The following IDE variants were observed in gnomAD, a reference collection of about 807,000 sequenced individuals.
IDE encodes the protein insulin degrading enzyme.
IDE carries 58 observed loss-of-function variants against 133.2 expected under a neutral mutation model. The observed-to-expected ratio is 0.44, with a 90% CI of 0.35 to 0.54. The LOEUF is 0.54. Ranked by LOEUF, IDE falls within the 20% of genes least tolerant of loss-of-function variation. The pLI is 0.00. For missense variants in IDE, 981 were observed against 1,234.0 expected (o/e 0.79, Z 3.07); for synonymous variants, 396 against 421.3 (o/e 0.94, Z 0.73).
rs1564630704 is a variant in IDE, at chr10:92,504,916, TAAATA to T, written c.1327-24_1327-20del. On this transcript the variant is annotated intron_variant, in intron 10 of 24. Transcript: ENST00000265986. The stretch of plus-strand genomic sequence containing the variant: ...GATAATACTTTTAAAAAGGAAAATA[TAAATA>T]AATAAAATATACAAAGCTACTACAT... 8.8e-7 allele frequency: 1 copy of T among 1,131,808 alleles called. No individual in the cohort carries two copies. 70.1% of individuals were successfully genotyped at this position (1,131,808 alleles called of 1,614,324 possible). A position where few individuals can be genotyped will look rare whatever the true frequency, so the allele number is the denominator to read the frequency against.
intron 6 of IDE, among the ~76,000 whole-genome samples, chr10:92,509,390 C>T (rs985670425): frequency 2.6e-5 from 4 of 151,948 alleles, no homozygotes; most frequent in Non-Finnish European, 2.9e-5. Context: ...GTCAGGAGTT[C>T]GACCTCAGCC....
chr10:92,497,165 T>A (rs150419976), intron 11 of IDE, among the ~76,000 whole-genome samples: 156 of 152,346 alleles, frequency 1.0e-3, no homozygotes, highest in African/African-American at 3.6e-3. Flanking sequence ...GGAAGGCACA[T>A]GACAAAGACT....
At chr10:92,461,136 C>T in intron 22 of IDE, 55 bp downstream of exon 22, 1 of 868,124 alleles carries the variant, frequency 1.2e-6, no homozygotes, top group Non-Finnish European at 1.9e-6. Context: ...CCGCCATACC[C>T]AGCCCTATAA....
Position 92,454,477 on chromosome 10 carries a change from T to A in IDE, c.3027A>T (p.Lys1009Asn). ...TTGCAGCCATGAAGTTAATATGTGG[T>A]TTCACAAGGGGAAACAGTGGCAGAC... The part of the protein sequence containing the change: ...KRGLPLFPLV[K>N]PHINFMAAKL Residue 1009 changes from lysine (K) to asparagine (N), a missense_variant, in exon 25 of 25, where the codon AAA (lysine) becomes AAT (asparagine). Coordinates refer to ENST00000265986, the MANE Select transcript of IDE (RefSeq NM_004969.4). 6.2e-7 allele frequency: 1 copy of A among 1,613,650 alleles called. No individual in the cohort carries two copies. The highest frequency in any genetic ancestry group is 1.1e-5 in the South Asian group (1 of 91,078).
In IDE at chr10:92,534,613, A is replaced by G. The variant is rs1850139788; in HGVS notation, c.456T>C (p.Asp152=). ...CACCTTCTAGGTGTTCATGAGAAAC[A>G]TCAAAATAGTAATTGGTATGCTCTC... ...TSGEHTNYYF[D]VSHEHLEGAL... The change falls in exon 3 of 25, where the codon GAT becomes GAC. Residue 152 remains aspartate, a synonymous_variant. Coordinates refer to ENST00000265986, the MANE Select transcript of IDE (RefSeq NM_004969.4). 6.2e-7 allele frequency: 1 copy of G among 1,613,938 alleles called. No homozygotes were observed. Among genetic ancestry groups the G allele is most frequent in the South Asian group, 1.1e-5 (1 of 91,078 alleles).
In IDE at chr10:92,453,560, T is replaced by C. The variant is rs924222253; in HGVS notation, c.*884A>G. 6.6e-6 allele frequency: 1 copy of C among 152,228 alleles called. No individual in the cohort carries two copies. The highest frequency in any genetic ancestry group is 1.5e-5 in the Non-Finnish European group (1 of 68,036). The allele number at this position is 152,228 out of a possible 1,614,324, so 9.4% of individuals were successfully genotyped here. The stretch of plus-strand genomic sequence containing the variant: ...GCAATTTCACTGTAATAAAAAGTTA[T>C]ACAGGTGGTTACAAAAAGCTGATGT... On this transcript the variant is annotated 3_prime_UTR_variant, in exon 25 of 25. Transcript: ENST00000265986.
chr10:92,454,649 T>G, intron 24 of IDE, 110 bp from the exon 25 acceptor site: 1 of 736,796 alleles, frequency 1.4e-6, no homozygotes. Flanking sequence ...CTTAATATAC[T>G]GTTTTTTTGT....
chr10:92,459,754 C>A (rs890056083), intron 22 of IDE, among the ~76,000 whole-genome samples: 4 of 151,430 alleles, frequency 2.6e-5, no homozygotes, highest in Non-Finnish European at 4.4e-5. Context: ...ATTCATATAC[C>A]TACCTAATGG....
chr10:92,487,447 TAAA>T (rs1847069259), intron 12 of IDE, 129 bp from the exon 13 acceptor site: 1 of 786,920 alleles, frequency 1.3e-6, no homozygotes, highest in African/African-American at 1.8e-5. Flanking sequence ...CCATCATATA[TAAA>T]AGAGGTACTA....
chr10:92,571,768 A>G (rs1192814431), intron 1 of IDE, among the ~76,000 whole-genome samples: 1 of 152,256 alleles, frequency 6.6e-6, no homozygotes, highest in African/African-American at 2.4e-5. Flanking sequence ...GCAAATACAT[A>G]ACAGTTAAGA....
chr10:92,493,026 T>C (rs998722557), intron 11 of IDE, among the ~76,000 whole-genome samples: 4 of 152,160 alleles, frequency 2.6e-5, no homozygotes, highest in African/African-American at 9.7e-5. Context: ...CTAGAAAACA[T>C]GCTAAATAAG....
At chr10:92,569,232 G>C (rs568310281) in intron 1 of IDE, among the ~76,000 whole-genome samples, 1 of 105,898 alleles carries the variant, frequency 9.4e-6, no homozygotes, top group African/African-American at 4.1e-5. Flanking sequence ...CTGGAGAAGA[G>C]TTAGGCTGAA....
At chr10:92,565,930 C>A (rs543246913) in intron 1 of IDE, among the ~76,000 whole-genome samples, 1 of 151,972 alleles carries the variant, frequency 6.6e-6, no homozygotes, top group African/African-American at 2.4e-5. Context: ...ATTCATATCT[C>A]GCTAAGCCAC....
intron 11 of IDE, among the ~76,000 whole-genome samples, chr10:92,498,502 T>C (rs1847839689): frequency 6.6e-6 from 1 of 152,140 alleles, no homozygotes; most frequent in Non-Finnish European, 1.5e-5. Context: ...ACACCTGTAA[T>C]CCCAGCACTT....
chr10:92,505,169 G>T (rs972521967), intron 10 of IDE, among the ~76,000 whole-genome samples: 2 of 152,106 alleles, frequency 1.3e-5, no homozygotes. Flanking sequence ...ATTTCTTTCG[G>T]GGAAAACCAC....
intron 1 of IDE, among the ~76,000 whole-genome samples, chr10:92,550,961 T>C (rs1193514692): frequency 6.6e-6 from 1 of 152,228 alleles, no homozygotes; most frequent in East Asian, 1.9e-4. Context: ...CTAGTGGGAA[T>C]ACAAAATGGT....
intron 17 of IDE, chr10:92,474,623 T>G: frequency 2.4e-6 from 1 of 421,126 alleles, no homozygotes; most frequent in Non-Finnish European, 4.3e-6. Context: ...TTTGTTTGGG[T>G]TGGGAATGTT....
chr10:92,491,581 C>T (rs1847343819), intron 11 of IDE, among the ~76,000 whole-genome samples: 1 of 149,976 alleles, frequency 6.7e-6, no homozygotes, highest in African/African-American at 2.4e-5. Context: ...GGATTACAGG[C>T]ACCCGCCACC....
intron 4 of IDE, among the ~76,000 whole-genome samples, chr10:92,526,869 A>AG (rs1241690944): frequency 6.0e-4 from 90 of 148,956 alleles, no homozygotes; most frequent in Non-Finnish European, 9.1e-4. Context: ...AAAAAAAAAA[A>AG]GGACAGGGTC....
Sources: gnomAD v4.1 joint callset for allele counts (sites outside exome capture counted in the v4.1 genomes callset) on GRCh38, gnomAD v4.1.1 for gene constraint, MANE v1.5 for transcripts, NCBI Gene and HGNC (gene_info 2026-07-23, HGNC 2026-07-21) for gene names.